The following FRMD4B variants were observed in gnomAD, a reference collection of about 807,000 sequenced individuals.
FRMD4B encodes FERM domain-containing protein 4B.
A neutral mutation model predicts 141.5 loss-of-function variants in FRMD4B; 74 were observed. The ratio of observed to expected loss-of-function variants is 0.52; its 90% CI spans 0.43 to 0.63. The LOEUF is 0.63. FRMD4B is among the 30% of genes least tolerant of loss of function. The pLI, the probability that FRMD4B is intolerant of heterozygous loss-of-function variation, is 0.00. For missense variants in FRMD4B, 1,366 were observed against 1,253.4 expected (o/e 1.09, Z -1.36); for synonymous variants, 506 against 467.9 (o/e 1.08, Z -1.05).
chr3:69,522,922 C>T (rs1386236304), intron 1 of FRMD4B, among the ~76,000 whole-genome samples: 3 of 152,070 alleles, frequency 2.0e-5, no homozygotes, highest in African/African-American at 7.2e-5. Flanking sequence ...CTTATTAATT[C>T]AACAGAGATA....
chr3:69,361,306 C>A (rs548557679), intron 1 of FRMD4B, among the ~76,000 whole-genome samples: 1 of 152,132 alleles, frequency 6.6e-6, no homozygotes, highest in Non-Finnish European at 1.5e-5. Flanking sequence ...AGCTTCCTTG[C>A]TACCTGGGAT....
At chr3:69,262,155 T>C (rs1047500699) in intron 5 of FRMD4B, among the ~76,000 whole-genome samples, 2 of 151,988 alleles carry the variant, frequency 1.3e-5, no homozygotes, top group South Asian at 2.1e-4. Context: ...TTAGTAGAGA[T>C]GGGGTTTCAC....
Position 69,249,252 on chromosome 3 carries a change from A to C in FRMD4B, c.559-4T>G, listed in dbSNP as rs1221325052. ...TGGTATAATCTCCCTTGGCTTCCTA[A>C]AAACAACAAACAAAAACAGAGTTGA... On this transcript the variant is annotated splice_region_variant and splice_polypyrimidine_tract_variant and intron_variant, in intron 6 of 22. Coordinates refer to ENST00000398540, the MANE Select transcript of FRMD4B (RefSeq NM_015123.3). 3 of 1,567,838 alleles carry C rather than the reference A, an allele frequency of 1.9e-6. No homozygotes were observed. The highest frequency in any genetic ancestry group is 2.6e-6 in the Non-Finnish European group (3 of 1,147,866).
At position 69,323,439 on chromosome 3, in the gene FRMD4B, C is replaced by T. The variant is rs573966480; in HGVS notation, c.163-9922G>A. Among the ~76,000 whole-genome samples, 522 of 151,450 alleles carry T rather than the reference C, an allele frequency of 3.4e-3. 4 individuals are homozygous for T. The highest frequency in any genetic ancestry group is 0.012 in the African/African-American group (496 of 41,316). The stretch of plus-strand genomic sequence containing the variant: ...AAAAAATTAGCTCGGCATGGTAGCG[C>T]ATGCTGTAATCCCAGCTACTTGGGA... On this transcript the variant is annotated intron_variant, in intron 1 of 22. Transcript: ENST00000398540.
intron 1 of FRMD4B, among the ~76,000 whole-genome samples, chr3:69,437,913 ATATATAT>A (rs1302776285): frequency 5.9e-5 from 8 of 135,940 alleles, no homozygotes; most frequent in South Asian, 2.1e-4. Context: ...TTATTGTATA[ATATATAT>A]TATATATTAT....
chr3:69,252,973 G>A (rs2093472336), intron 5 of FRMD4B, among the ~76,000 whole-genome samples: 2 of 152,042 alleles, frequency 1.3e-5, no homozygotes, highest in Admixed American at 6.6e-5. Context: ...ACACCCTCAT[G>A]GCTAATTTAA....
intron 1 of FRMD4B, among the ~76,000 whole-genome samples, chr3:69,533,180 T>C (rs1436551535): frequency 6.6e-6 from 1 of 152,144 alleles, no homozygotes; most frequent in Non-Finnish European, 1.5e-5. Flanking sequence ...TCAGGATCTG[T>C]TGTAGGGGGC....
chr3:69,369,695 G>T (rs945397464), intron 1 of FRMD4B, among the ~76,000 whole-genome samples: 2 of 149,550 alleles, frequency 1.3e-5, no homozygotes, highest in African/African-American at 5.0e-5. Flanking sequence ...TACCTAGAAA[G>T]TTCAAAATAT....
At chr3:69,381,571 T>C (rs1704120491) in intron 1 of FRMD4B, among the ~76,000 whole-genome samples, 1 of 152,188 alleles carries the variant, frequency 6.6e-6, no homozygotes, top group South Asian at 2.1e-4. Flanking sequence ...TGTAACTCCC[T>C]GGTGTGTGTG....
chr3:69,398,741 T>G (rs1452051333), intron 2 of FRMD4B, among the ~76,000 whole-genome samples: 1 of 152,146 alleles, frequency 6.6e-6, no homozygotes, highest in African/African-American at 2.4e-5. Flanking sequence ...CCATAACTCA[T>G]GGCTTTGAGA....
chr3:69,536,192 G>T (rs541396761), intron 1 of FRMD4B: 119 of 567,456 alleles, frequency 2.1e-4, no homozygotes, highest in African/African-American at 2.0e-3. Context: ...CACCTTGCCC[G>T]CGTTAGGAGG....
intron 8 of FRMD4B, among the ~76,000 whole-genome samples, chr3:69,223,133 G>A (rs1048110589): frequency 6.6e-6 from 1 of 152,194 alleles, no homozygotes; most frequent in African/African-American, 2.4e-5. Flanking sequence ...TTGTTGACTG[G>A]AAAGGAAATC....
chr3:69,463,323 A>G (rs1705733052), intron 1 of FRMD4B, among the ~76,000 whole-genome samples: 1 of 152,236 alleles, frequency 6.6e-6, no homozygotes, highest in South Asian at 2.1e-4. Context: ...TCTGTTTTCC[A>G]GGGAACCTGG....
In FRMD4B at chr3:69,428,360, C is replaced by A. The variant is rs543776917; in HGVS notation, c.-1+4274G>T. ...TTCTGCTGGGGATTAAATGAGTTAACACTTGTAAAGTTCCTAAAACAACAA... is the reference window on the plus strand; with the variant it reads ...TTCTGCTGGGGATTAAATGAGTTAAAACTTGTAAAGTTCCTAAAACAACAA... On this transcript the variant is annotated intron_variant, in intron 2 of 5. Coordinates refer to the FRMD4B transcript ENST00000459638. 4.0e-5 allele frequency among the ~76,000 whole-genome samples: 6 copies of A among 149,116 alleles called. No homozygotes were observed. The South Asian group carries it at 1.3e-3, about 33-fold the overall frequency.
rs985201846 is a variant in FRMD4B, at chr3:69,489,446, C to A, written c.-129+52760G>T. Among the ~76,000 whole-genome samples, 3 of 151,660 alleles carry A rather than the reference C, an allele frequency of 2.0e-5. No homozygotes were observed. The East Asian group carries it at 5.8e-4, about 29-fold the overall frequency. ...CAAAGGATTTGAATAGGCATTTCTC[C>A]AAAGAAAATATATAAATGAGTAGTA... On this transcript the variant is annotated intron_variant, in intron 1 of 5. Coordinates refer to the FRMD4B transcript ENST00000459638.
At chr3:69,535,994 C>A in intron 1 of FRMD4B, 1 of 386,204 alleles carries the variant, frequency 2.6e-6, no homozygotes, top group South Asian at 2.1e-5. Context: ...CCTTTGCCTT[C>A]CTACTAAGCC....
intron 11 of FRMD4B, among the ~76,000 whole-genome samples, chr3:69,206,918 A>T (rs1360454166): frequency 1.3e-5 from 2 of 152,096 alleles, no homozygotes; most frequent in Non-Finnish European, 2.9e-5. Context: ...AAATGTAAAG[A>T]TAGATGAATT....
At chr3:69,471,805 G>A (rs9310157) in intron 1 of FRMD4B, 3,759 of 155,296 alleles carry the variant, frequency 0.024, 169 homozygotes, top group African/African-American at 0.085. Flanking sequence ...TGTTCAGTGC[G>A]TTTTCAAAAA....
At chr3:69,205,452 T>C (rs77684841) in intron 11 of FRMD4B, among the ~76,000 whole-genome samples, 2,216 of 152,216 alleles carry the variant, frequency 0.015, 69 homozygotes, top group East Asian at 0.062. Context: ...CAAGGAATCC[T>C]TCCGCCTTGG....
Sources: gnomAD v4.1 joint callset for allele counts (sites outside exome capture counted in the v4.1 genomes callset) on GRCh38, gnomAD v4.1.1 for gene constraint, MANE v1.5 for transcripts, NCBI Gene and HGNC (gene_info 2026-07-23, HGNC 2026-07-21) for gene names.